GRB10: variants seen among roughly 807,000 people sequenced by gnomAD.
GRB10 encodes growth factor receptor bound protein 10, also known as growth factor receptor-bound protein 10.
GRB10 carries 20 observed loss-of-function variants against 80.9 expected under a neutral mutation model. The ratio of observed to expected loss-of-function variants is 0.25; its 90% CI spans 0.17 to 0.36. GRB10 has a LOEUF of 0.36. Ranked by LOEUF, GRB10 falls within the 10% of genes least tolerant of loss-of-function variation. The pLI is 1.00. For missense variants in GRB10, 548 were observed against 747.7 expected, an observed-to-expected ratio of 0.73 and a Z score of 3.12; for synonymous variants, 291 against 291.5, an observed-to-expected ratio of 1.00 and a Z score of 0.02.
intron 7 of GRB10, among the ~76,000 whole-genome samples, chr7:50,649,824 G>A (rs2057773224): frequency 6.6e-6 from 1 of 152,224 alleles, no homozygotes; most frequent in African/African-American, 2.4e-5. Flanking sequence ...CTTGGCCACA[G>A]CAACTGAGCG....
At chr7:50,710,919 C>G (rs942989485) in intron 4 of GRB10, 39 of 1,612,316 alleles carry the variant, frequency 2.4e-5, no homozygotes, top group Non-Finnish European at 3.1e-5. Context: ...GGAGGTCTCT[C>G]TCTCCCTCTC....
chr7:50,721,617 G>A lies in GRB10; in HGVS notation c.51+10655C>T, dbSNP rs572664863. Among the ~76,000 whole-genome samples the A allele has an allele frequency of 7.9e-5, 12 of 152,260 alleles. No homozygotes were observed. The South Asian group carries it at 1.9e-3, about 24-fold the overall frequency. The stretch of plus-strand genomic sequence containing the variant: ...CTGTTAGCTCTTGTCTCTGCCCCTC[G>A]TAGGGCTCTGCAGCTTGAGAATTAG... On this transcript the variant is annotated intron_variant, in intron 4 of 18. Transcript: ENST00000401949.
intron 18 of GRB10, among the ~76,000 whole-genome samples, chr7:50,594,850 A>G: frequency 6.6e-6 from 1 of 152,178 alleles, no homozygotes; most frequent in East Asian, 1.9e-4. Context: ...GAATTGTTCA[A>G]AGGGAGAATG....
chr7:50,761,208 T>C (rs2075728967), intron 2 of GRB10, among the ~76,000 whole-genome samples: 1 of 152,228 alleles, frequency 6.6e-6, no homozygotes, highest in African/African-American at 2.4e-5. Context: ...TACCTGGATG[T>C]ATGAATCCCT....
chr7:50,713,084 A>AG (rs1305696136), intron 4 of GRB10, among the ~76,000 whole-genome samples: 2 of 152,206 alleles, frequency 1.3e-5, no homozygotes, highest in Non-Finnish European at 2.9e-5. Context: ...TTTGGCCGAA[A>AG]GGGGGACAGC....
intron 7 of GRB10, chr7:50,645,604 T>A (rs961435491): frequency 1.2e-5 from 12 of 985,124 alleles, no homozygotes; most frequent in Middle Eastern, 5.2e-4. Flanking sequence ...CTTACCCCCA[T>A]CCTCCAATCG....
chr7:50,734,896 A>C (rs986163904), intron 3 of GRB10, among the ~76,000 whole-genome samples: 2 of 152,228 alleles, frequency 1.3e-5, no homozygotes. Context: ...GATCAGGAAC[A>C]AGACAAAGAC....
At chr7:50,776,645 C>T (rs2077685814) in intron 2 of GRB10, among the ~76,000 whole-genome samples, 1 of 152,214 alleles carries the variant, frequency 6.6e-6, no homozygotes, top group Non-Finnish European at 1.5e-5. Context: ...CACCAAATAT[C>T]CTAGGTTGTC....
intron 5 of GRB10, among the ~76,000 whole-genome samples, chr7:50,695,810 T>C (rs2063355063): frequency 6.6e-6 from 1 of 152,202 alleles, no homozygotes; most frequent in Admixed American, 6.5e-5. Flanking sequence ...ATTTTTATTT[T>C]CATTATGAAA....
At chr7:50,745,241 AAT>A (rs1329914141) in intron 3 of GRB10, among the ~76,000 whole-genome samples, 3 of 152,320 alleles carry the variant, frequency 2.0e-5, no homozygotes, top group African/African-American at 4.8e-5. Flanking sequence ...GTATTACTTA[AAT>A]ATAGATTTAA....
At chr7:50,664,947 A>G (rs2059653681) in intron 7 of GRB10, among the ~76,000 whole-genome samples, 1 of 152,270 alleles carries the variant, frequency 6.6e-6, no homozygotes, top group Non-Finnish European at 1.5e-5. Flanking sequence ...TTAAACACTC[A>G]GAAAGAAATT....
chr7:50,765,677 G>A (rs1443155221), intron 2 of GRB10, among the ~76,000 whole-genome samples: 1 of 152,128 alleles, frequency 6.6e-6, no homozygotes, highest in Non-Finnish European at 1.5e-5. Context: ...GTTGATTAAT[G>A]AGTACAAATA....
At chr7:50,666,082 G>A (rs988500420) in intron 7 of GRB10, among the ~76,000 whole-genome samples, 1 of 152,170 alleles carries the variant, frequency 6.6e-6, no homozygotes, top group Non-Finnish European at 1.5e-5. Flanking sequence ...GGATCCCCAG[G>A]GAGAGGACGC....
rs1020649020 is a variant in GRB10, at chr7:50,591,180, A to G, written c.*1772T>C. On this transcript the variant is annotated 3_prime_UTR_variant, in exon 19 of 19. Transcript: ENST00000401949. ...CGAAAGGAAGAAAATGCAATTGAGC[A>G]CTGATGGTTAAAAACATGTTTTGCT... 5 of 152,248 alleles carry G rather than the reference A, an allele frequency of 3.3e-5. No individual in the cohort carries two copies. The highest frequency in any genetic ancestry group is 6.5e-5 in the Admixed American group (1 of 15,284). The allele number at this position is 152,248 out of a possible 1,614,324, so 9.4% of individuals were successfully genotyped here.
At chr7:50,698,087 A>C (rs2063677564) in intron 5 of GRB10, among the ~76,000 whole-genome samples, 1 of 152,162 alleles carries the variant, frequency 6.6e-6, no homozygotes, top group Non-Finnish European at 1.5e-5. Flanking sequence ...CAAACACATC[A>C]TGCTTTCCTT....
intron 3 of GRB10, among the ~76,000 whole-genome samples, chr7:50,745,497 A>G (rs894233234): frequency 2.6e-5 from 4 of 152,218 alleles, no homozygotes; most frequent in Non-Finnish European, 5.9e-5. Flanking sequence ...TGCCATGACA[A>G]CACATTACCA....
At chr7:50,717,479 G>A (rs981440943) in intron 4 of GRB10, among the ~76,000 whole-genome samples, 3 of 152,124 alleles carry the variant, frequency 2.0e-5, no homozygotes, top group Non-Finnish European at 2.9e-5. Flanking sequence ...ATGCGCATGC[G>A]TCACAGTCAC....
chr7:50,674,537 G>A lies in GRB10; in HGVS notation c.261C>T (p.Arg87=), dbSNP rs181058881. The part of the protein sequence containing the change: ...VPLLQNGQHA[R]SQPRASGPPR... ...GAGGGCCTGAAGCCCGAGGCTGGCT[G>A]CGGGCATGCTGGCCATTCTGCAGGA... The change falls in exon 6 of 19, where the codon CGC becomes CGT. Residue 87 remains arginine, a synonymous_variant. Coordinates refer to ENST00000401949, the MANE Select transcript of GRB10 (RefSeq NM_001350814.2). 6.2e-7 allele frequency: 1 copy of A among 1,611,502 alleles called. No individual in the cohort carries two copies. Among genetic ancestry groups the A allele is most frequent in the Non-Finnish European group, 8.5e-7 (1 of 1,180,004 alleles).
At chr7:50,764,209 T>C (rs1316948093) in intron 2 of GRB10, among the ~76,000 whole-genome samples, 1 of 152,204 alleles carries the variant, frequency 6.6e-6, no homozygotes, top group Non-Finnish European at 1.5e-5. Context: ...CCTGTCCCTG[T>C]CCACCCTGAG....
Sources: allele counts gnomAD v4.1 joint callset (sites outside exome capture counted in the v4.1 genomes callset), GRCh38; gene constraint gnomAD v4.1.1; transcripts MANE v1.5; gene names NCBI Gene and HGNC (gene_info 2026-07-23, HGNC 2026-07-21).